ITGA7: variants seen among roughly 807,000 people sequenced by gnomAD.
The protein encoded by ITGA7 is integrin alpha-7.
Under a neutral mutation model 131.6 loss-of-function variants are expected in ITGA7, and 84 were observed. The observed-to-expected ratio is 0.64, with a 90% CI of 0.54 to 0.77. The LOEUF is 0.77. Among genes scored for constraint, ITGA7 ranks in the 30% least tolerant of loss-of-function variants. The pLI, the probability that ITGA7 is intolerant of heterozygous loss-of-function variation, is 0.00. For missense variants in ITGA7, 1,399 were observed against 1,482.9 expected (o/e 0.94, Z 0.93); for synonymous variants, 548 against 600.7 (o/e 0.91, Z 1.28).
upstream of ITGA7, among the ~76,000 whole-genome samples, chr12:55,709,097 TC>T (rs898610762): frequency 6.6e-6 from 1 of 152,176 alleles, no homozygotes; most frequent in African/African-American, 2.4e-5. Flanking sequence ...CTGTCCATCT[TC>T]CCTTCTCTCT....
chr12:55,716,231 G>A (rs572247334), upstream of ITGA7: 5 of 1,577,008 alleles, frequency 3.2e-6, no homozygotes, highest in Admixed American at 9.3e-5. Flanking sequence ...TTTTCTCTTC[G>A]GCCGCGGCCT....
intron 22 of ITGA7, among the ~76,000 whole-genome samples, chr12:55,688,643 A>C (rs1315514009): frequency 6.6e-6 from 1 of 151,122 alleles, no homozygotes; most frequent in Non-Finnish European, 1.5e-5. Flanking sequence ...GAACCTCTTG[A>C]ACCTGGGAGG....
At chr12:55,708,385 T>C (rs555139621), upstream of ITGA7, among the ~76,000 whole-genome samples, 1 of 152,086 alleles carries the variant, frequency 6.6e-6, no homozygotes, top group Non-Finnish European at 1.5e-5. Context: ...CTTTCTGCTG[T>C]TGGGATCAGA....
At chr12:55,691,166 A>G (rs1163323946) in intron 21 of ITGA7, among the ~76,000 whole-genome samples, 1 of 152,028 alleles carries the variant, frequency 6.6e-6, no homozygotes, top group African/African-American at 2.4e-5. Context: ...AATAAAATAA[A>G]AAAGAATCTA....
At chr12:55,702,993 C>T in intron 2 of ITGA7, 42 bp from the exon 3 acceptor site, 2 of 1,613,172 alleles carry the variant, frequency 1.2e-6, no homozygotes, top group Non-Finnish European at 1.7e-6. Context: ...GAAGAGGAGC[C>T]CAAGTCCTCT....
upstream of ITGA7, among the ~76,000 whole-genome samples, chr12:55,708,642 A>T (rs183926348): frequency 6.6e-6 from 1 of 152,370 alleles, no homozygotes; most frequent in African/African-American, 2.4e-5. Flanking sequence ...ACTGGGGATG[A>T]TTACAGGAAG....
intron 1 of ITGA7, 78 bp downstream of exon 1, chr12:55,707,399 A>C (rs1875429187): frequency 3.4e-6 from 4 of 1,169,490 alleles, no homozygotes; most frequent in Non-Finnish European, 5.1e-6. Flanking sequence ...AAACAGAGAA[A>C]TGAGGAGGCC....
At chr12:55,691,551 T>C (rs749372751) in intron 21 of ITGA7, among the ~76,000 whole-genome samples, 4 of 152,226 alleles carry the variant, frequency 2.6e-5, no homozygotes, top group African/African-American at 4.8e-5. Flanking sequence ...CATTCCACAG[T>C]ATATACATAT....
At chr12:55,716,399 G>C, upstream of ITGA7, 3 of 1,396,872 alleles carry the variant, frequency 2.1e-6, no homozygotes, top group Non-Finnish European at 2.8e-6. Flanking sequence ...GCAATACTCC[G>C]GTCCCCTCGG....
At chr12:55,715,722 G>A (rs914058321), upstream of ITGA7, among the ~76,000 whole-genome samples, 7 of 152,124 alleles carry the variant, frequency 4.6e-5, no homozygotes, top group Non-Finnish European at 8.8e-5. Context: ...GGAATCAACT[G>A]AGAACCAGCT....
At chr12:55,693,017 A>G (rs370167005) in intron 20 of ITGA7, 42 bp from the exon 21 acceptor site, 5 of 1,613,560 alleles carry the variant, frequency 3.1e-6, no homozygotes, top group Non-Finnish European at 4.2e-6. Context: ...CCCTCCAATC[A>G]CAGCAGTGCT....
chr12:55,690,823 G>A (rs1406512414), intron 21 of ITGA7, among the ~76,000 whole-genome samples: 1 of 151,978 alleles, frequency 6.6e-6, no homozygotes, highest in Non-Finnish European at 1.5e-5. Context: ...TCCTTTGTAG[G>A]GACATGGATG....
At chr12:55,696,771 A>T in intron 12 of ITGA7, 128 bp downstream of exon 12, 1 of 1,047,814 alleles carries the variant, frequency 9.5e-7, no homozygotes, top group Non-Finnish European at 1.4e-6. Context: ...CTCAGAAGAC[A>T]GGTTTCCCAC....
chr12:55,703,826 T>TA (rs1459275500), intron 1 of ITGA7, among the ~76,000 whole-genome samples: 2 of 152,154 alleles, frequency 1.3e-5, no homozygotes, highest in Non-Finnish European at 2.9e-5. Flanking sequence ...CTGCCTCCAA[T>TA]GCTACCCCAT....
rs746092994 is a variant in ITGA7, at chr12:55,688,977, G to A, written c.2845-20C>T. On this transcript the variant is annotated intron_variant, in intron 21 of 24. Transcript: ENST00000257879. ...GCAGTCCTAGGGATAAGGACAGACA[G>A]GGGTCTAAGCCACTCAGCTCAACCC... 30 of 1,601,202 alleles carry A rather than the reference G, an allele frequency of 1.9e-5. No homozygotes were observed. The highest frequency in any genetic ancestry group is 2.4e-5 in the Non-Finnish European group (28 of 1,168,504).
At position 55,694,764 on chromosome 12, in the gene ITGA7, C is replaced by A; in HGVS notation, c.2196+14G>T. On this transcript the variant is annotated intron_variant, in intron 15 of 24. Coordinates refer to ENST00000257879, the MANE Select transcript of ITGA7 (RefSeq NM_002206.3). The surrounding 1 kb of genome is among the most constrained non-coding windows in gnomAD (Gnocchi z 5.3). ...CCCTCAAGACCCCACCCCATCCTGC[C>A]CCCAGGTCCTCACCGCAGGGTCCAG... is the stretch of plus-strand genomic sequence containing the variant. The A allele has an allele frequency of 1.2e-6, 2 of 1,614,028 alleles. No homozygotes were observed. The highest frequency in any genetic ancestry group is 1.7e-6 in the Non-Finnish European group (2 of 1,179,954).
intron 21 of ITGA7, 79 bp downstream of exon 21, chr12:55,692,765 T>G: frequency 6.6e-7 from 1 of 1,513,628 alleles, no homozygotes; most frequent in Non-Finnish European, 8.9e-7. Context: ...ACCCAGACCA[T>G]CATGTGTCTC....
chr12:55,708,193 T>G, upstream of ITGA7, among the ~76,000 whole-genome samples: 1 of 151,360 alleles, frequency 6.6e-6, no homozygotes, highest in Non-Finnish European at 1.5e-5. Flanking sequence ...GAAGTACAGA[T>G]AGAAAGAGAG....
Position 55,698,401 on chromosome 12 carries a change from T to G in ITGA7, c.1174A>C (p.Asn392His). The change falls in exon 7 of 25, where the codon AAC becomes CAC. Residue 392 changes from asparagine (N) to histidine (H), a missense_variant. Transcript: ENST00000257879. The part of the protein sequence containing the change: ...GISLAVLGDL[N>H]QDGFPDIAVG... ...GTCACACCTGGAAAGCCATCTTGGTTGAGGTCCCCCAGGACAGCCAGGCTG... is the reference window on the plus strand; with the variant it reads ...GTCACACCTGGAAAGCCATCTTGGTGGAGGTCCCCCAGGACAGCCAGGCTG... The G allele has an allele frequency of 5.0e-6, 8 of 1,613,142 alleles. No homozygotes were observed. The highest frequency in any genetic ancestry group is 6.8e-6 in the Non-Finnish European group (8 of 1,179,508).
Sources: allele counts gnomAD v4.1 joint callset (sites outside exome capture counted in the v4.1 genomes callset), GRCh38; gene constraint gnomAD v4.1.1; non-coding constraint Gnocchi (gnomAD v3.1); transcripts MANE v1.5; gene names NCBI Gene and HGNC (gene_info 2026-07-23, HGNC 2026-07-21).